KLHL3: variants seen among roughly 807,000 people sequenced by gnomAD.
The protein encoded by KLHL3 is kelch-like protein 3.
Under a neutral mutation model 70.5 loss-of-function variants are expected in KLHL3, and 19 were observed. The observed-to-expected ratio is 0.27, with a 90% CI of 0.19 to 0.40. KLHL3 has a LOEUF of 0.40. KLHL3 is among the 10% of genes least tolerant of loss of function. The pLI is 1.00. For synonymous variants in KLHL3, 258 were observed against 290.3 expected, an observed-to-expected ratio of 0.89 and a Z score of 1.13; for missense variants, 512 against 771.1, an observed-to-expected ratio of 0.66 and a Z score of 3.98.
At chr5:137,666,426 C>G (rs1751616303) in intron 6 of KLHL3, among the ~76,000 whole-genome samples, 1 of 152,206 alleles carries the variant, frequency 6.6e-6, no homozygotes, top group Non-Finnish European at 1.5e-5. Context: ...AGCTCTGTCT[C>G]TGCACGCCAT....
At chr5:137,692,023 C>T (rs1349214799) in intron 5 of KLHL3, among the ~76,000 whole-genome samples, 1 of 152,172 alleles carries the variant, frequency 6.6e-6, no homozygotes, top group Non-Finnish European at 1.5e-5. Flanking sequence ...TTGCTCTCCC[C>T]ACTCCCCAAA....
intron 8 of KLHL3, among the ~76,000 whole-genome samples, chr5:137,648,194 A>G (rs556338690): frequency 3.6e-4 from 55 of 152,326 alleles, no homozygotes; most frequent in African/African-American, 1.2e-3. Flanking sequence ...TCAGGACCCC[A>G]GGGTGCTTGT....
intron 12 of KLHL3, among the ~76,000 whole-genome samples, chr5:137,632,829 T>C (rs6888338): frequency 0.35 from 53,682 of 151,986 alleles, 10,188 homozygotes; most frequent in East Asian, 0.53. Flanking sequence ...AACAACCCCA[T>C]TAAAAAGCAG....
chr5:137,667,726 G>A (rs1022022203), intron 6 of KLHL3, among the ~76,000 whole-genome samples: 3 of 152,202 alleles, frequency 2.0e-5, no homozygotes, highest in Non-Finnish European at 4.4e-5. Context: ...GACTTGGCAA[G>A]GGGAGAAGTT....
In KLHL3 at chr5:137,662,240, T is replaced by TACACAC. The variant is rs138942924; in HGVS notation, c.637-215_637-210dup. Among the ~76,000 whole-genome samples the TACACAC allele has an allele frequency of 4.8e-3, 680 of 141,846 alleles. 3 individuals carry two copies. The highest frequency in any genetic ancestry group is 6.2e-3 in the Non-Finnish European group (401 of 64,786). The allele number at this position is 141,846 out of a possible 152,430, so 93.1% of individuals were successfully genotyped here. A position where few individuals can be genotyped will look rare whatever the true frequency, so the allele number is the denominator to read the frequency against. Reference sequence around the variant, plus strand: ...TCAGAGAGTGATCACACACACACTCTACACACACACACACACACACACACA... The same window carrying TACACAC: ...TCAGAGAGTGATCACACACACACTCTACACACACACACACACACACACACACACACA... On this transcript the variant is annotated intron_variant, in intron 6 of 14. Transcript: ENST00000309755.
At chr5:137,666,109 C>G (rs1051011872) in intron 6 of KLHL3, among the ~76,000 whole-genome samples, 2 of 152,098 alleles carry the variant, frequency 1.3e-5, no homozygotes, top group Admixed American at 1.3e-4. Context: ...CATGAGAGAC[C>G]TTGTCTTATT....
At chr5:137,669,497 C>A (rs573115959) in intron 6 of KLHL3, among the ~76,000 whole-genome samples, 1 of 151,582 alleles carries the variant, frequency 6.6e-6, no homozygotes, top group South Asian at 2.1e-4. Flanking sequence ...AAAATTAAAA[C>A]GGTAACATCA....
At chr5:137,628,270 A>AGG (rs1388246724) in intron 13 of KLHL3, 27 bp downstream of exon 13, 5 of 1,612,922 alleles carry the variant, frequency 3.1e-6, no homozygotes, top group Non-Finnish European at 4.2e-6. Context: ...CAACCCCCAA[A>AGG]GGGGAGATGG....
intron 6 of KLHL3, among the ~76,000 whole-genome samples, chr5:137,663,606 G>A (rs763175705): frequency 6.6e-6 from 1 of 151,890 alleles, no homozygotes; most frequent in African/African-American, 2.4e-5. Flanking sequence ...CTTCATGCAA[G>A]TGGATATGAT....
chr5:137,665,607 G>T (rs1419604566), intron 6 of KLHL3, among the ~76,000 whole-genome samples: 1 of 152,074 alleles, frequency 6.6e-6, no homozygotes, highest in Non-Finnish European at 1.5e-5. Context: ...TTCAGAATAA[G>T]CAGTGTAAGA....
chr5:137,641,297 G>C (rs577674761), intron 8 of KLHL3, among the ~76,000 whole-genome samples: 1 of 152,254 alleles, frequency 6.6e-6, no homozygotes, highest in Non-Finnish European at 1.5e-5. Flanking sequence ...TCAAACTTGA[G>C]CATACATCAG....
chr5:137,671,570 G>T (rs746019387), intron 6 of KLHL3, among the ~76,000 whole-genome samples: 1 of 152,084 alleles, frequency 6.6e-6, no homozygotes, highest in Non-Finnish European at 1.5e-5. Flanking sequence ...AGCTATCTAC[G>T]GTTAATGAGC....
At chr5:137,735,386 G>A (rs1045563623) in intron 1 of KLHL3, among the ~76,000 whole-genome samples, 1 of 152,166 alleles carries the variant, frequency 6.6e-6, no homozygotes, top group African/African-American at 2.4e-5. Context: ...CTTCTTTCAG[G>A]GTGCTCCGCT....
chr5:137,731,223 A>G (rs1753168329), intron 1 of KLHL3, among the ~76,000 whole-genome samples: 1 of 152,250 alleles, frequency 6.6e-6, no homozygotes, highest in African/African-American at 2.4e-5. Flanking sequence ...TTTGCAGTTG[A>G]AAACCTTACT....
intron 8 of KLHL3, among the ~76,000 whole-genome samples, chr5:137,657,185 T>C (rs867530273): frequency 6.6e-6 from 1 of 152,150 alleles, no homozygotes; most frequent in African/African-American, 2.4e-5. Flanking sequence ...CTGTGAAACC[T>C]TCCTGGAAGA....
intron 10 of KLHL3, among the ~76,000 whole-genome samples, chr5:137,638,717 T>C (rs892368599): frequency 8.6e-5 from 13 of 152,034 alleles, no homozygotes; most frequent in South Asian, 4.2e-4. Flanking sequence ...CACTGGAAAG[T>C]AGGAAAGGGA....
intron 14 of KLHL3, among the ~76,000 whole-genome samples, chr5:137,624,933 T>C (rs975290512): frequency 6.6e-6 from 1 of 152,168 alleles, no homozygotes; most frequent in Non-Finnish European, 1.5e-5. Context: ...CCTGGTGCCT[T>C]ACTCTAAGGC....
chr5:137,627,255 G>T (rs1349304887), intron 13 of KLHL3, among the ~76,000 whole-genome samples: 1 of 152,028 alleles, frequency 6.6e-6, no homozygotes, highest in Non-Finnish European at 1.5e-5. Context: ...TAAAAAACAG[G>T]TTATAAAATA....
rs559063633 is a variant in KLHL3 at position 137,660,303 on chromosome 5, G to A, written c.753+1612C>T. Reference sequence around the variant, plus strand: ...ATGCCTGATGAAGTTTGTGACCAACGGTCTCTAAGGCCACTTTAGCTTTCT... The same window carrying A: ...ATGCCTGATGAAGTTTGTGACCAACAGTCTCTAAGGCCACTTTAGCTTTCT... On this transcript the variant is annotated intron_variant, in intron 7 of 14. Coordinates refer to ENST00000309755, the MANE Select transcript of KLHL3 (RefSeq NM_017415.3). 6.6e-5 allele frequency among the ~76,000 whole-genome samples: 10 copies of A among 152,140 alleles called. No individual in the cohort carries two copies. The East Asian group carries it at 1.4e-3, about 21-fold the overall frequency.
Sources: allele counts gnomAD v4.1 joint callset (sites outside exome capture counted in the v4.1 genomes callset), GRCh38; gene constraint gnomAD v4.1.1; transcripts MANE v1.5; gene names NCBI Gene and HGNC (gene_info 2026-07-23, HGNC 2026-07-21).